Variants in CDCA7 observed in about 807,000 individuals in gnomAD.
CDCA7 encodes the protein cell division cycle associated 7, also known as cell division cycle-associated protein 7.
Under a neutral mutation model 54.0 loss-of-function variants are expected in CDCA7, and 28 were observed. The ratio of observed to expected loss-of-function variants is 0.52; its 90% CI spans 0.38 to 0.71. CDCA7 has a LOEUF of 0.71. Among genes scored for constraint, CDCA7 ranks in the 30% least tolerant of loss-of-function variants. CDCA7 has a pLI of 0.00. For synonymous variants in CDCA7, 180 were observed against 208.2 expected (o/e 0.86, Z 1.16); for missense variants, 484 against 586.0 (o/e 0.83, Z 1.80).
At position 173,364,976 on chromosome 2, in the gene CDCA7, A is replaced by G; in HGVS notation, c.881A>G (p.Asp294Gly). 1.3e-6 allele frequency: 2 copies of G among 1,577,766 alleles called. No homozygotes were observed. The highest frequency in any genetic ancestry group is 8.6e-7 in the Non-Finnish European group (1 of 1,167,648). ...TTGGTGAGAAAGAGGAAGACCGTGG[A>G]TGGCTACATGAATGTGAGTTCTCCG... ...YMLVRKRKTV[D>G]GYMNEDDLPR... The change falls in exon 6 of 10, where the codon GAT becomes GGT. Residue 294 changes from aspartate (D) to glycine (G), a missense_variant. Asp to Gly is a moderately conservative substitution (Grantham distance 94, BLOSUM62 -1). This residue lies in a region of CDCA7 where 398 missense variants were observed against 447.4 expected (regional missense o/e 0.89). Coordinates refer to ENST00000306721, the MANE Select transcript of CDCA7 (RefSeq NM_031942.5).
rs749755731 is a variant in CDCA7 at position 173,359,459 on chromosome 2, G to A, written c.352G>A (p.Gly118Ser). ...CGACTCTGACGATGAATCATTTTGC[G>A]GTTTCTCAGAGAGTGAGATACAAGA... ...HADSDDESFC[G>S]FSESEIQDGM... The change falls in exon 3 of 10, where the codon GGT (glycine) becomes AGT (serine). Residue 118 changes from glycine (G) to serine (S), a missense_variant. Coordinates refer to ENST00000306721, the MANE Select transcript of CDCA7 (RefSeq NM_031942.5). 7 of 1,613,936 alleles carry A rather than the reference G, an allele frequency of 4.3e-6. No individual in the cohort carries two copies. Among genetic ancestry groups the A allele is most frequent in the East Asian group, 4.5e-5 (2 of 44,890 alleles).
chr2:173,359,369 C>A lies in CDCA7; in HGVS notation c.262C>A (p.His88Asn), dbSNP rs756696991. 1.2e-6 allele frequency: 2 copies of A among 1,614,064 alleles called. No homozygotes were observed. Among genetic ancestry groups the A allele is most frequent in the Non-Finnish European group, 1.7e-6 (2 of 1,180,002 alleles). Reference sequence around the variant, plus strand: ...AAGTGAGGTGCAAGATGTATTAGACCATTGTGGATTTTTACAGAAACCAAG... The same window carrying A: ...AAGTGAGGTGCAAGATGTATTAGACAATTGTGGATTTTTACAGAAACCAAG... ...SESEVQDVLD[H>N]CGFLQKPRPD... Residue 88 changes from histidine (H) to asparagine (N), a missense_variant, in exon 3 of 10, where the codon CAT becomes AAT. Around this residue, in one of 3 missense-constraint regions of CDCA7, gnomAD observed 398 missense variants for 447.4 expected, o/e 0.89. Transcript: ENST00000306721.
rs1172208874 is a variant in CDCA7 at position 173,360,207 on chromosome 2, A to C, written c.384+716A>C. Among the ~76,000 whole-genome samples the C allele has an allele frequency of 3.9e-5, 6 of 152,286 alleles. No homozygotes were observed. The East Asian group carries it at 1.2e-3, about 29-fold the overall frequency. ...GCCTGAGGTTCATGGTTTGAGTAAC[A>C]TTGATAGAAGTGGCAGTGCCTGGCC... is the stretch of plus-strand genomic sequence containing the variant. On this transcript the variant is annotated intron_variant, in intron 3 of 9. Transcript: ENST00000306721.
chr2:173,366,566 G>A lies in CDCA7; in HGVS notation c.1185+134G>A. The A allele has an allele frequency of 1.7e-6, 2 of 1,192,380 alleles. No individual in the cohort carries two copies. Among genetic ancestry groups the A allele is most frequent in the South Asian group, 1.7e-5 (1 of 60,002 alleles). 73.9% of individuals were successfully genotyped at this position (1,192,380 alleles called of 1,614,324 possible). ...TGCTCTTCTTTTTTTTTAAGATGGA[G>A]TCTCATTCTGTCGCCAGGCTGCAGT... On this transcript the variant is annotated intron_variant, in intron 8 of 9. Coordinates refer to ENST00000306721, the MANE Select transcript of CDCA7 (RefSeq NM_031942.5). This position sits in a 1 kb window ranked among gnomAD's most constrained non-coding sequence, Gnocchi z 4.5.
intron 1 of CDCA7, chr2:173,358,495 A>C (rs1574214943): frequency 4.7e-6 from 2 of 423,236 alleles, no homozygotes; most frequent in Non-Finnish European, 8.4e-6. Flanking sequence ...TCAGCACTGC[A>C]CTTTAGCCTG....
Position 173,363,445 on chromosome 2 carries a change from A to C in CDCA7, c.604A>C (p.Lys202Gln). 1 of 1,613,760 alleles carries C rather than the reference A, an allele frequency of 6.2e-7. No individual in the cohort carries two copies. The highest frequency in any genetic ancestry group is 8.5e-7 in the Non-Finnish European group (1 of 1,179,626). The change falls in exon 4 of 10, where the codon AAG becomes CAG. Residue 202 changes from lysine (K) to glutamine (Q), a missense_variant. By Grantham distance (53) the Lys-to-Gln change is moderately conservative (BLOSUM62 1). Around this residue, in one of 3 missense-constraint regions of CDCA7, gnomAD observed 398 missense variants for 447.4 expected, o/e 0.89. Transcript: ENST00000306721. ...NFLEKRALNI[K>Q]QNKAMLAKLM... ...TTTGGAGAAAAGGGCTTTAAATATA[A>C]AGCAAAACAAAGCAATGGTAGGTAT...
In CDCA7 at chr2:173,366,297, T is replaced by C. The variant is rs1196490816; in HGVS notation, c.1050T>C (p.His350=). The C allele has an allele frequency of 1.2e-6, 2 of 1,612,882 alleles. No individual in the cohort carries two copies. Among genetic ancestry groups the C allele is most frequent in the Non-Finnish European group, 1.7e-6 (2 of 1,179,496 alleles). The change falls in exon 8 of 10, where the codon CAT becomes CAC. Residue 350 remains histidine (H), a synonymous_variant. Coordinates refer to ENST00000306721, the MANE Select transcript of CDCA7 (RefSeq NM_031942.5). This position sits in a 1 kb window ranked among gnomAD's most constrained non-coding sequence, Gnocchi z 4.5. The part of the protein sequence containing the change: ...IYNRSLGSTC[H]QCRQKTIDTK... ...CTTATTTGTAGGGCTCTACTTGTCA[T>C]CAATGCCGTCAGAAGACTATTGATA...
In CDCA7 at chr2:173,367,222, A is replaced by G; in HGVS notation, c.1258A>G (p.Thr420Ala). 6.2e-7 allele frequency: 1 copy of G among 1,613,738 alleles called. No individual in the cohort carries two copies. Among genetic ancestry groups the G allele is most frequent in the Non-Finnish European group, 8.5e-7 (1 of 1,179,900 alleles). ...CCGGCAGCGAGATGGACGGTGTGCG[A>G]CTGGGGTCCTTGTGTATTTAGCCAA... is the stretch of plus-strand genomic sequence containing the variant. ...FCRQRDGRCA[T>A]GVLVYLAKYH... The change falls in exon 9 of 10, where the codon ACT becomes GCT. Residue 420 changes from threonine to alanine, a missense_variant. Around this residue, in one of 3 missense-constraint regions of CDCA7, gnomAD observed 83 missense variants for 122.3 expected, o/e 0.68. Transcript: ENST00000306721.
At chr2:173,361,017 G>T (rs1306858397) in intron 3 of CDCA7, among the ~76,000 whole-genome samples, 1 of 152,100 alleles carries the variant, frequency 6.6e-6, no homozygotes, top group African/African-American at 2.4e-5. Context: ...AGATTAGCCC[G>T]TTGTGGATAT....
intron 6 of CDCA7, 142 bp from the exon 7 acceptor site, chr2:173,365,310 C>T: frequency 1.0e-6 from 1 of 970,648 alleles, no homozygotes; most frequent in Non-Finnish European, 1.5e-6. Context: ...GAAGAAATTA[C>T]AAGTCAAGTA....
chr2:173,361,596 A>G (rs1015073040), intron 3 of CDCA7, among the ~76,000 whole-genome samples: 1 of 151,362 alleles, frequency 6.6e-6, no homozygotes, highest in Non-Finnish European at 1.5e-5. Context: ...GACTACAGGC[A>G]TGTGCCACCA....
intron 5 of CDCA7, 67 bp from the exon 6 acceptor site, chr2:173,364,728 A>C: frequency 6.6e-7 from 1 of 1,526,044 alleles, no homozygotes; most frequent in Non-Finnish European, 8.7e-7. Context: ...AGAAGCTATG[A>C]ATTCCCCAAA....
chr2:173,367,428 A>G, intron 9 of CDCA7, 142 bp downstream of exon 9: 2 of 1,398,556 alleles, frequency 1.4e-6, no homozygotes, highest in Non-Finnish European at 2.0e-6. Flanking sequence ...AAGGGATGGG[A>G]ACATTTTCTG....
rs1686735115 is a variant in CDCA7, at chr2:173,366,957, A to G, written c.1186-193A>G. Among the ~76,000 whole-genome samples the G allele has an allele frequency of 6.6e-6, 1 of 152,192 alleles. No individual in the cohort carries two copies. Among genetic ancestry groups the G allele is most frequent in the South Asian group, 2.1e-4 (1 of 4,828 alleles). ...ACTGTCCCTGGGAAGTTGCTGCTCC[A>G]TTTATCCCTGGTAGCTGCTTGTAAC... On this transcript the variant is annotated intron_variant, in intron 8 of 9. Coordinates refer to ENST00000306721, the MANE Select transcript of CDCA7 (RefSeq NM_031942.5). This position sits in a 1 kb window ranked among gnomAD's most constrained non-coding sequence, Gnocchi z 4.5.
rs572295044 is a variant in CDCA7, at chr2:173,367,785, A to C, written c.*121A>C. On this transcript the variant is annotated 3_prime_UTR_variant, in exon 10 of 10. Transcript: ENST00000306721. ...ATCAGCCTGTTTCATAAGAAACTCC[A>C]ATCAAGTTAATCTTAGCAGACATGT... 2.9e-6 allele frequency: 3 copies of C among 1,018,524 alleles called. No individual in the cohort carries two copies. The highest frequency in any genetic ancestry group is 4.8e-5 in the East Asian group (2 of 42,090). The allele number at this position is 1,018,524 out of a possible 1,614,324, so 63.1% of individuals were successfully genotyped here.
At chr2:173,359,162 G>A in intron 2 of CDCA7, 93 bp from the exon 3 acceptor site, 1 of 1,024,022 alleles carries the variant, frequency 9.8e-7, no homozygotes, top group East Asian at 2.4e-5. Context: ...TAGTGCACTT[G>A]TAAATGTGAT....
At chr2:173,358,209 A>AAAG in intron 1 of CDCA7, among the ~76,000 whole-genome samples, 1 of 151,706 alleles carries the variant, frequency 6.6e-6, no homozygotes, top group African/African-American at 2.4e-5. Flanking sequence ...CAAAAAAAAA[A>AAAG]AAAAAAAGAA....
intron 3 of CDCA7, among the ~76,000 whole-genome samples, 166 bp from the exon 4 acceptor site, chr2:173,363,060 C>T (rs539728062): frequency 1.6e-4 from 25 of 152,326 alleles, no homozygotes; most frequent in African/African-American, 5.8e-4. Context: ...AATTAAACTG[C>T]ACTCTGTTGA....
intron 1 of CDCA7, 81 bp downstream of exon 1, chr2:173,355,065 TC>T: frequency 8.0e-7 from 1 of 1,256,218 alleles, no homozygotes; most frequent in Non-Finnish European, 1.0e-6. Flanking sequence ...CCTCTCCAAC[TC>T]CGCAGCCTAG....
Sources: allele counts gnomAD v4.1 joint callset (sites outside exome capture counted in the v4.1 genomes callset), GRCh38; gene constraint gnomAD v4.1.1; regional missense constraint gnomAD v4.1.1; non-coding constraint Gnocchi (gnomAD v3.1); transcripts MANE v1.5; gene names NCBI Gene and HGNC (gene_info 2026-07-23, HGNC 2026-07-21).